ADGRB1: variants seen among roughly 807,000 people sequenced by gnomAD.
ADGRB1 encodes the protein adhesion G protein-coupled receptor B1, also known as brain-specific angiogenesis inhibitor 1.
Under a neutral mutation model 175.7 loss-of-function variants are expected in ADGRB1, and 36 were observed. That is an observed-to-expected ratio of 0.20 (90% CI 0.16 to 0.27). ADGRB1 has a LOEUF of 0.27. Ranked by LOEUF, ADGRB1 falls within the 10% of genes least tolerant of loss-of-function variation. The pLI, the probability that ADGRB1 is intolerant of heterozygous loss-of-function variation, is 1.00. For synonymous variants in ADGRB1, 1,054 were observed against 979.4 expected (o/e 1.08, Z -1.42); for missense variants, 1,731 against 2,255.3 (o/e 0.77, Z 4.71).
intron 17 of ADGRB1, among the ~76,000 whole-genome samples, chr8:142,502,937 G>A (rs1236241287): frequency 6.6e-6 from 1 of 151,636 alleles, no homozygotes; most frequent in East Asian, 1.9e-4. Context: ...AAGGCGGATG[G>A]TATTGTTGGT....
intron 27 of ADGRB1, among the ~76,000 whole-genome samples, chr8:142,541,401 A>C (rs1305791463): frequency 1.3e-5 from 2 of 152,058 alleles, no homozygotes; most frequent in African/African-American, 4.8e-5. Context: ...CTCAGGGCAG[A>C]GCAGGGAGGC....
At chr8:142,475,428 C>A in intron 2 of ADGRB1, 46 bp from the exon 3 acceptor site, 1 of 1,260,258 alleles carries the variant, frequency 7.9e-7, no homozygotes, top group South Asian at 3.8e-5. Context: ...GTCCAGGCCA[C>A]GAGCCCCTGC....
intron 22 of ADGRB1, among the ~76,000 whole-genome samples, chr8:142,522,948 G>A (rs1377242257): frequency 2.0e-5 from 3 of 152,172 alleles, no homozygotes; most frequent in South Asian, 2.1e-4. Flanking sequence ...GAAAGAAACC[G>A]GGCCATCAGG....
At position 142,455,127 on chromosome 8, in the gene ADGRB1, A is replaced by G. The variant is rs1839591221; in HGVS notation, c.-220+5023A>G. Among the ~76,000 whole-genome samples the G allele has an allele frequency of 3.0e-5, 1 of 33,642 alleles. No homozygotes were observed. Among genetic ancestry groups the G allele is most frequent in the African/African-American group, 1.3e-4 (1 of 7,984 alleles). 22.1% of individuals were successfully genotyped at this position (33,642 alleles called of 152,430 possible). A position where few individuals can be genotyped will look rare whatever the true frequency, so the allele number is the denominator to read the frequency against. ...ACCCCACCCCATCACCCCCACCACC[A>G]TTGCCCCCGAGGCTACCTCAGCCGC... On this transcript the variant is annotated intron_variant, in intron 1 of 30. Transcript: ENST00000517894. This position sits in a 1 kb window ranked among gnomAD's most constrained non-coding sequence, Gnocchi z 4.9.
rs1401609567 is a variant in ADGRB1, at chr8:142,510,426, C to A, written c.2676-506C>A. On this transcript the variant is annotated intron_variant, in intron 17 of 30. Coordinates refer to ENST00000517894, the MANE Select transcript of ADGRB1 (RefSeq NM_001702.3). The surrounding 1 kb of genome is among the most constrained non-coding windows in gnomAD (Gnocchi z 6.3). Reference sequence around the variant, plus strand: ...CAGCTCCAGCCGGCGCCCTGGGCCGCGGGGCCGGAGAGCTCCGGAGCGGAC... The same window carrying A: ...CAGCTCCAGCCGGCGCCCTGGGCCGAGGGGCCGGAGAGCTCCGGAGCGGAC... Among the ~76,000 whole-genome samples, 1 of 151,900 alleles carries A rather than the reference C, an allele frequency of 6.6e-6. No homozygotes were observed. Among genetic ancestry groups the A allele is most frequent in the Admixed American group, 6.5e-5 (1 of 15,280 alleles).
chr8:142,530,003 A>G (rs893434638), intron 24 of ADGRB1, among the ~76,000 whole-genome samples: 5 of 141,762 alleles, frequency 3.5e-5, no homozygotes, highest in African/African-American at 5.4e-5. Flanking sequence ...TGTGAGCGCA[A>G]CCTGCTGTGC....
chr8:142,501,898 T>TGTGGTG (rs544515666), intron 17 of ADGRB1, among the ~76,000 whole-genome samples: 5 of 40,350 alleles, frequency 1.2e-4, no homozygotes, highest in African/African-American at 2.2e-4. Flanking sequence ...GTGAGGGTGA[T>TGTGGTG]GTGGTGGTGA....
intron 7 of ADGRB1, 26 bp downstream of exon 7, chr8:142,478,386 G>A (rs557634930): frequency 2.2e-5 from 34 of 1,562,726 alleles, no homozygotes; most frequent in African/African-American, 1.2e-4. Flanking sequence ...GGCTGGGGTC[G>A]GGGGGCACCT....
At chr8:142,491,173 T>TG (rs1841963315) in intron 17 of ADGRB1, among the ~76,000 whole-genome samples, 2 of 152,338 alleles carry the variant, frequency 1.3e-5, no homozygotes, top group South Asian at 4.1e-4. Flanking sequence ...TGCCAGGCAC[T>TG]GAGGGGCTGC....
intron 24 of ADGRB1, among the ~76,000 whole-genome samples, chr8:142,526,942 G>A (rs1844240354): frequency 6.6e-6 from 1 of 152,170 alleles, no homozygotes; most frequent in African/African-American, 2.4e-5. Flanking sequence ...GTGCCCCCAA[G>A]GCTGGGTGCT....
At chr8:142,505,506 G>A (rs907512656) in intron 17 of ADGRB1, among the ~76,000 whole-genome samples, 6 of 152,094 alleles carry the variant, frequency 3.9e-5, no homozygotes, top group African/African-American at 1.4e-4. Context: ...TGAGGGCGAC[G>A]TGAGGTGGGG....
In ADGRB1 at chr8:142,538,243, T is replaced by C. The variant is rs1845055034; in HGVS notation, c.3667-1131T>C. The stretch of plus-strand genomic sequence containing the variant: ...TGCACGGCTGGTGCGCGGGAGGTGC[T>C]CCCTGGGTCCCGGGGTGCCCAGCCA... On this transcript the variant is annotated intron_variant, in intron 26 of 30. Coordinates refer to ENST00000517894, the MANE Select transcript of ADGRB1 (RefSeq NM_001702.3). 1.3e-5 allele frequency among the ~76,000 whole-genome samples: 2 copies of C among 152,182 alleles called. 1 individual carries two copies. The highest frequency in any genetic ancestry group is 4.1e-4 in the South Asian group (2 of 4,824).
chr8:142,458,003 C>T (rs901922266), intron 1 of ADGRB1, among the ~76,000 whole-genome samples: 1 of 152,182 alleles, frequency 6.6e-6, no homozygotes, highest in South Asian at 2.1e-4. Context: ...CCACCCCGCC[C>T]CTCCCCCCGT....
chr8:142,521,722 A>G (rs1468057021), intron 20 of ADGRB1, among the ~76,000 whole-genome samples: 3 of 152,230 alleles, frequency 2.0e-5, no homozygotes, highest in Non-Finnish European at 4.4e-5. Flanking sequence ...TGGTGTGGCT[A>G]TGAATGGTGC....
intron 17 of ADGRB1, among the ~76,000 whole-genome samples, chr8:142,495,772 A>G (rs1029268778): frequency 1.3e-5 from 2 of 152,162 alleles, no homozygotes; most frequent in African/African-American, 4.8e-5. Flanking sequence ...GTCAAGATCC[A>G]TAACTCAATT....
At chr8:142,490,887 G>T in intron 17 of ADGRB1, 72 bp downstream of exon 17, 1 of 1,523,046 alleles carries the variant, frequency 6.6e-7, no homozygotes, top group South Asian at 1.2e-5. Context: ...CAGTAGGGGA[G>T]GGGTGCAGGT....
intron 1 of ADGRB1, among the ~76,000 whole-genome samples, chr8:142,463,604 G>A (rs1002170385): frequency 3.3e-5 from 5 of 152,264 alleles, no homozygotes; most frequent in African/African-American, 7.2e-5. Context: ...GGGCAGCCAC[G>A]CAGAGCGTGG....
intron 17 of ADGRB1, among the ~76,000 whole-genome samples, chr8:142,491,543 A>G (rs1362024777): frequency 6.6e-6 from 1 of 152,220 alleles, no homozygotes; most frequent in Non-Finnish European, 1.5e-5. Context: ...GGGCTGAGCT[A>G]GGCCAGGACG....
chr8:142,527,968 C>A (rs1027212421), intron 24 of ADGRB1, among the ~76,000 whole-genome samples: 1 of 152,244 alleles, frequency 6.6e-6, no homozygotes, highest in African/African-American at 2.4e-5. Flanking sequence ...CCCACCTCAC[C>A]CTGTGTGTGC....
Sources: allele counts gnomAD v4.1 joint callset (sites outside exome capture counted in the v4.1 genomes callset), GRCh38; gene constraint gnomAD v4.1.1; non-coding constraint Gnocchi (gnomAD v3.1); transcripts MANE v1.5; gene names NCBI Gene and HGNC (gene_info 2026-07-23, HGNC 2026-07-21).